Variants in PPM1B observed in about 807,000 individuals in gnomAD.
PPM1B encodes protein phosphatase 1B.
In PPM1B, 22 loss-of-function variants were observed where a neutral mutation model predicts 43.0. The observed-to-expected ratio is 0.51, with a 90% CI of 0.37 to 0.73. PPM1B has a LOEUF of 0.73. Among genes scored for constraint, PPM1B ranks in the 30% least tolerant of loss-of-function variants. The pLI is 0.00. For missense variants in PPM1B, 632 were observed against 584.2 expected (o/e 1.08, Z -0.84); for synonymous variants, 217 against 197.9 (o/e 1.10, Z -0.81).
At chr2:44,213,668 C>T (rs1257209884) in intron 3 of PPM1B, 1 of 152,154 alleles carries the variant, frequency 6.6e-6, no homozygotes, top group Non-Finnish European at 1.5e-5. Context: ...CTACAATTTC[C>T]TCAGCCCTAA....
At chr2:44,239,508 C>T (rs145465846), downstream of PPM1B, among the ~76,000 whole-genome samples, 4 of 152,172 alleles carry the variant, frequency 2.6e-5, no homozygotes, top group South Asian at 2.1e-4. Flanking sequence ...TTTAGGAAAT[C>T]ATCCTCATCC....
chr2:44,187,669 T>A (rs903223562), intron 1 of PPM1B, among the ~76,000 whole-genome samples: 7 of 152,200 alleles, frequency 4.6e-5, no homozygotes, highest in African/African-American at 1.7e-4. Context: ...TTTTATTGTT[T>A]CTTTGATAAT....
intron 1 of PPM1B, among the ~76,000 whole-genome samples, chr2:44,191,035 G>T (rs550486632): frequency 6.6e-6 from 1 of 152,246 alleles, no homozygotes; most frequent in Non-Finnish European, 1.5e-5. Context: ...GCTTCAAATT[G>T]ATCTCAGAGG....
intron 3 of PPM1B, chr2:44,217,686 T>A (rs548586039): frequency 1.1e-3 from 232 of 203,422 alleles, no homozygotes; most frequent in African/African-American, 5.0e-3. Flanking sequence ...TGTCCTCTTG[T>A]TGGTGAACAT....
chr2:44,186,609 A>G (rs1480918547), intron 1 of PPM1B, among the ~76,000 whole-genome samples: 1 of 152,190 alleles, frequency 6.6e-6, no homozygotes, highest in African/African-American at 2.4e-5. Flanking sequence ...TGCTGGACTC[A>G]GGCAATCCAC....
At chr2:44,200,427 A>G (rs1391087956) in intron 1 of PPM1B, among the ~76,000 whole-genome samples, 2 of 152,194 alleles carry the variant, frequency 1.3e-5, no homozygotes, top group African/African-American at 4.8e-5. Flanking sequence ...TCCAATTCTA[A>G]GGATTTTAAG....
At chr2:44,233,274 T>TA, downstream of PPM1B, 13 of 902,708 alleles carry the variant, frequency 1.4e-5, no homozygotes, top group Non-Finnish European at 1.7e-5. Context: ...TAAATACATT[T>TA]AAAATTATCT....
chr2:44,176,735 G>C (rs542998924), intron 1 of PPM1B, among the ~76,000 whole-genome samples: 1 of 152,152 alleles, frequency 6.6e-6, no homozygotes, highest in Non-Finnish European at 1.5e-5. Context: ...TGGTGGTCTT[G>C]TGCTTTCATT....
At chr2:44,227,033 G>C (rs755315542) in intron 5 of PPM1B, among the ~76,000 whole-genome samples, 6 of 151,764 alleles carry the variant, frequency 4.0e-5, no homozygotes, top group Non-Finnish European at 8.8e-5. Context: ...GAGTGTAGAG[G>C]CATGAACATG....
At chr2:44,232,711 A>C, downstream of PPM1B, 1 of 1,025,708 alleles carries the variant, frequency 9.7e-7, no homozygotes, top group Non-Finnish European at 1.2e-6. Flanking sequence ...TTCTTTAAAC[A>C]AAACACACAA....
Position 44,230,155 on chromosome 2 carries a change from A to G in PPM1B, c.1135-258A>G, listed in dbSNP as rs781343094. On this transcript the variant is annotated intron_variant, in intron 5 of 5. Transcript: ENST00000282412. The stretch of plus-strand genomic sequence containing the variant: ...GCTGTTGAATTATAAAAGCTGAGTA[A>G]ATTTCAGATTAAACTTTAAATGACT... 9.0e-6 allele frequency: 13 copies of G among 1,437,518 alleles called. No homozygotes were observed. The East Asian group carries it at 3.1e-4, about 34-fold the overall frequency. 89.0% of individuals were successfully genotyped at this position (1,437,518 alleles called of 1,614,324 possible).
intron 4 of PPM1B, 100 bp downstream of exon 4, chr2:44,218,178 G>A (rs1669812930): frequency 3.5e-6 from 3 of 859,576 alleles, no homozygotes; most frequent in Non-Finnish European, 5.7e-6. Flanking sequence ...ATTATCTAGA[G>A]GTGAAATGGG....
intron 5 of PPM1B, 166 bp downstream of exon 5, chr2:44,218,703 A>G (rs1669839123): frequency 3.5e-6 from 2 of 577,242 alleles, no homozygotes; most frequent in Non-Finnish European, 6.0e-6. Context: ...ATGTATTGAA[A>G]TGAAGGTAGA....
At chr2:44,226,779 G>A (rs1313169036) in intron 5 of PPM1B, among the ~76,000 whole-genome samples, 2 of 139,652 alleles carry the variant, frequency 1.4e-5, no homozygotes, top group East Asian at 2.0e-4. Context: ...GTTTTCGGGG[G>A]AAGAGGGTTG....
chr2:44,204,639 A>C lies in PPM1B; in HGVS notation c.846+2594A>C, dbSNP rs926715066. Among the ~76,000 whole-genome samples the C allele has an allele frequency of 2.6e-5, 4 of 152,090 alleles. 1 individual carries two copies. Among genetic ancestry groups the C allele is most frequent in the African/African-American group, 7.2e-5 (3 of 41,426 alleles). On this transcript the variant is annotated intron_variant, in intron 2 of 5. Transcript: ENST00000282412. Reference sequence around the variant, plus strand: ...ACAACCATATGAGGTAGTTAAGATGACGAGGTCAGGAGATCGAGACCATCC... The same window carrying C: ...ACAACCATATGAGGTAGTTAAGATGCCGAGGTCAGGAGATCGAGACCATCC...
chr2:44,199,396 G>C (rs1348175280), intron 1 of PPM1B, among the ~76,000 whole-genome samples: 2 of 151,838 alleles, frequency 1.3e-5, no homozygotes, highest in African/African-American at 4.8e-5. Context: ...GGCTGAAGCA[G>C]GAGAATGGCT....
intron 1 of PPM1B, among the ~76,000 whole-genome samples, chr2:44,192,593 A>G (rs1323231602): frequency 1.3e-5 from 2 of 152,232 alleles, no homozygotes; most frequent in East Asian, 3.8e-4. Flanking sequence ...AAATGATGTT[A>G]TAACATATGT....
intron 1 of PPM1B, among the ~76,000 whole-genome samples, chr2:44,195,131 G>T (rs1668599479): frequency 6.6e-6 from 1 of 151,704 alleles, no homozygotes; most frequent in African/African-American, 2.4e-5. Flanking sequence ...GACCTCAGGT[G>T]ATCTGCCCGT....
In PPM1B at chr2:44,190,256, G is replaced by A. The variant is rs1048441099; in HGVS notation, c.-14-10930G>A. On this transcript the variant is annotated intron_variant, in intron 1 of 5. Coordinates refer to ENST00000282412, the MANE Select transcript of PPM1B (RefSeq NM_002706.6). ...CTGCAACCTCTGCCCCCAGGTTCAA[G>A]CAAGTCTCCTGCCTCAGCCTCTCGA... is the stretch of plus-strand genomic sequence containing the variant. 2.7e-5 allele frequency among the ~76,000 whole-genome samples: 4 copies of A among 150,520 alleles called. No individual in the cohort carries two copies. The Admixed American group carries it at 2.7e-4, about 10-fold the overall frequency.
Sources: allele counts gnomAD v4.1 joint callset (sites outside exome capture counted in the v4.1 genomes callset), GRCh38; gene constraint gnomAD v4.1.1; transcripts MANE v1.5; gene names NCBI Gene and HGNC (gene_info 2026-07-23, HGNC 2026-07-21).